The following PIK3CA variants were observed in gnomAD, a reference collection of about 807,000 sequenced individuals.
PIK3CA encodes the protein phosphatidylinositol-4,5-bisphosphate 3-kinase catalytic subunit alpha.
PIK3CA carries 27 observed loss-of-function variants against 138.2 expected under a neutral mutation model. That is an observed-to-expected ratio of 0.20 (90% confidence interval 0.14 to 0.27). The LOEUF (loss-of-function observed/expected upper bound fraction) is 0.27. Ranked by LOEUF, PIK3CA falls within the 10% of genes least tolerant of loss-of-function variation. The probability of loss-of-function intolerance (pLI) is 1.00; values close to 1 mark genes in which losing one functional copy is unlikely to be tolerated. For synonymous variants in PIK3CA, 358 were observed against 413.2 expected (o/e 0.87, Z 1.62); for missense variants, 544 against 1,277.4 (o/e 0.43, Z 8.75).
At chr3:179,211,211 A>G (rs1724701750) in intron 9 of PIK3CA, among the ~76,000 whole-genome samples, 1 of 152,250 alleles carries the variant, frequency 6.6e-6, no homozygotes, top group South Asian at 2.1e-4. Flanking sequence ...CACAGACCAT[A>G]CATGGTACCA....
intron 1 of PIK3CA, among the ~76,000 whole-genome samples, chr3:179,155,597 A>G (rs1367399201): frequency 6.6e-6 from 1 of 152,214 alleles, no homozygotes; most frequent in Non-Finnish European, 1.5e-5. Context: ...TTTACATTGT[A>G]TTAAGTATTA....
At chr3:179,183,898 A>G (rs1412849953) in intron 1 of PIK3CA, among the ~76,000 whole-genome samples, 1 of 152,208 alleles carries the variant, frequency 6.6e-6, no homozygotes, top group Non-Finnish European at 1.5e-5. Flanking sequence ...AATATGTTTT[A>G]TGACACTGTG....
Position 179,198,690 on chromosome 3 carries a change from A to G in PIK3CA, c.-76-60A>G, listed in dbSNP as rs996812310. 3.5e-5 allele frequency: 18 copies of G among 516,450 alleles called. 1 individual carries two copies. The highest frequency in any genetic ancestry group is 6.1e-5 in the Non-Finnish European group (18 of 293,210). 32.0% of individuals were successfully genotyped at this position (516,450 alleles called of 1,614,324 possible). On this transcript the variant is annotated intron_variant, in intron 1 of 20. Transcript: ENST00000263967. ...TGAGTTTTTACATTTTAGCAGTGTT[A>G]TAAATGTATTCTTCTGTAGTTGTGT... is the stretch of plus-strand genomic sequence containing the variant.
chr3:179,165,506 C>T (rs1490447306), intron 1 of PIK3CA, among the ~76,000 whole-genome samples: 1 of 152,128 alleles, frequency 6.6e-6, no homozygotes, highest in Non-Finnish European at 1.5e-5. Flanking sequence ...GTCCTCCCAC[C>T]TCCACCTCCC....
intron 1 of PIK3CA, chr3:179,169,166 GACCT>G: frequency 6.6e-6 from 1 of 152,120 alleles, no homozygotes; most frequent in Non-Finnish European, 1.5e-5. Flanking sequence ...ATACTGTTAA[GACCT>G]CTTGGTTTCA....
rs41273617 is a variant in PIK3CA, at chr3:179,219,079, G to C, written c.1665-117G>C. On this transcript the variant is annotated intron_variant, in intron 10 of 20. Coordinates refer to ENST00000263967, the MANE Select transcript of PIK3CA (RefSeq NM_006218.4). The surrounding 1 kb of genome is among the most constrained non-coding windows in gnomAD (Gnocchi z 4.2). ...CTGATGTCTTTTGAATTTTAAAAAA[G>C]CTAGTAATGTAAGAAGTTTGGGACT... The C allele has an allele frequency of 5.2e-6, 3 of 581,140 alleles. No individual in the cohort carries two copies. The highest frequency in any genetic ancestry group is 9.3e-6 in the Non-Finnish European group (3 of 321,486). The allele number at this position is 581,140 out of a possible 1,614,324, so 36.0% of individuals were successfully genotyped here. A position where few individuals can be genotyped will look rare whatever the true frequency, so the allele number is the denominator to read the frequency against.
In PIK3CA at chr3:179,209,037, AAT is replaced by A. The variant is rs1724641099; in HGVS notation, c.1146-551_1146-550del. Among the ~76,000 whole-genome samples, 3 of 147,928 alleles carry A rather than the reference AAT, an allele frequency of 2.0e-5. No individual in the cohort carries two copies. In the Admixed American group the frequency reaches 2.0e-4, roughly 10 times the overall value. On this transcript the variant is annotated intron_variant, in intron 6 of 20. Transcript: ENST00000263967. ...ATATTATGTATATAGTATATTATAT[AAT>A]ATATATTATAAATATAAATAAGTTT...
upstream of PIK3CA, chr3:179,148,172 G>GC (rs1386726080): frequency 2.0e-5 from 3 of 152,140 alleles, no homozygotes; most frequent in African/African-American, 7.3e-5. Flanking sequence ...GCCGGAGGAG[G>GC]GGGGGGGCCG....
chr3:179,193,481 G>T (rs1286482920), intron 1 of PIK3CA, among the ~76,000 whole-genome samples: 1 of 152,190 alleles, frequency 6.6e-6, no homozygotes, highest in South Asian at 2.1e-4. Flanking sequence ...CAGCAACCTG[G>T]GGTTGTTGGT....
chr3:179,154,404 T>G (rs1375469726), intron 1 of PIK3CA, among the ~76,000 whole-genome samples: 1 of 150,730 alleles, frequency 6.6e-6, no homozygotes, highest in Non-Finnish European at 1.5e-5. Context: ...GGTTGCCTGC[T>G]CCTAATGAGA....
rs2108400888 is a variant in PIK3CA at position 179,210,343 on chromosome 3, G to C, written c.1404+5G>C. 1 of 1,583,476 alleles carries C rather than the reference G, an allele frequency of 6.3e-7. No individual in the cohort carries two copies. Among genetic ancestry groups the C allele is most frequent in the Non-Finnish European group, 8.5e-7 (1 of 1,171,234 alleles). On this transcript the variant is annotated splice_donor_5th_base_variant and intron_variant, in intron 8 of 20. Transcript: ENST00000263967. Reference sequence around the variant, plus strand: ...ACTGGATCAAATCCAAATAAAGTAAGGTTTTTATTGTCATAAATTAGATAT... The same window carrying C: ...ACTGGATCAAATCCAAATAAAGTAACGTTTTTATTGTCATAAATTAGATAT...
At chr3:179,164,315 C>G (rs1282946997) in intron 1 of PIK3CA, among the ~76,000 whole-genome samples, 1 of 152,116 alleles carries the variant, frequency 6.6e-6, no homozygotes, top group African/African-American at 2.4e-5. Flanking sequence ...AGCACAATCC[C>G]AGGCCCATAA....
At chr3:179,195,746 C>T (rs1724251235) in intron 1 of PIK3CA, among the ~76,000 whole-genome samples, 1 of 152,130 alleles carries the variant, frequency 6.6e-6, no homozygotes, top group Non-Finnish European at 1.5e-5. Flanking sequence ...CACTTCTGAT[C>T]TTCAGTTTTC....
At chr3:179,217,353 T>C (rs1011909604) in intron 9 of PIK3CA, among the ~76,000 whole-genome samples, 5 of 152,170 alleles carry the variant, frequency 3.3e-5, no homozygotes, top group African/African-American at 1.2e-4. Context: ...GGTCTTTTAC[T>C]ATTTTGTAAT....
chr3:179,190,109 C>T (rs1011308894), intron 1 of PIK3CA, among the ~76,000 whole-genome samples: 31 of 152,156 alleles, frequency 2.0e-4, no homozygotes, highest in African/African-American at 7.5e-4. Context: ...CTTCTTAGCC[C>T]TCAAATCCAA....
intron 1 of PIK3CA, among the ~76,000 whole-genome samples, chr3:179,181,271 A>C (rs191062950): frequency 1.3e-5 from 2 of 152,276 alleles, no homozygotes; most frequent in Admixed American, 1.3e-4. Flanking sequence ...TATCAGCAAT[A>C]AGTTTCATAT....
At position 179,223,936 on chromosome 3, in the gene PIK3CA, C is replaced by T. The variant is rs532992698; in HGVS notation, c.2188-145C>T. On this transcript the variant is annotated intron_variant, in intron 14 of 20. Transcript: ENST00000263967. The stretch of plus-strand genomic sequence containing the variant: ...GTGTTGCTGCTCTGTGTTGTAGAAA[C>T]CCTCTTAATTAGAAAGCAGCAGTCT... 1.9e-5 allele frequency: 9 copies of T among 466,560 alleles called. No individual in the cohort carries two copies. In the South Asian group the frequency reaches 3.7e-4, roughly 19 times the overall value. 28.9% of individuals were successfully genotyped at this position (466,560 alleles called of 1,614,324 possible). A position where few individuals can be genotyped will look rare whatever the true frequency, so the allele number is the denominator to read the frequency against.
intron 1 of PIK3CA, among the ~76,000 whole-genome samples, chr3:179,161,849 G>A (rs573798426): frequency 1.1e-3 from 161 of 152,180 alleles, no homozygotes; most frequent in Middle Eastern, 3.4e-3. Context: ...TTTCAAAAGC[G>A]CCTTCAGAAT....
intron 1 of PIK3CA, among the ~76,000 whole-genome samples, chr3:179,177,307 CTTTTCT>C (rs1231371852): frequency 1.7e-5 from 2 of 120,928 alleles, no homozygotes; most frequent in African/African-American, 6.3e-5. Context: ...TTAATATTCT[CTTTTCT>C]TTTTTTTTTT....
Sources: gnomAD v4.1 joint callset for allele counts (sites outside exome capture counted in the v4.1 genomes callset) on GRCh38, gnomAD v4.1.1 for gene constraint, Gnocchi (gnomAD v3.1) non-coding constraint, MANE v1.5 for transcripts, NCBI Gene and HGNC (gene_info 2026-07-23, HGNC 2026-07-21) for gene names.